PRKCE: variants seen among roughly 807,000 people sequenced by gnomAD.
PRKCE encodes protein kinase C epsilon type.
A neutral mutation model predicts 85.4 loss-of-function variants in PRKCE; 16 were observed. The ratio of observed to expected loss-of-function variants is 0.19; its 90% CI spans 0.13 to 0.28. The LOEUF (loss-of-function observed/expected upper bound fraction) is 0.28, where lower values mean the gene tolerates loss of function less well. PRKCE is among the 10% of genes least tolerant of loss of function. PRKCE has a pLI of 1.00. For missense variants in PRKCE, 573 were observed against 975.2 expected (o/e 0.59, Z 5.49); for synonymous variants, 388 against 371.5 (o/e 1.04, Z -0.51).
intron 1 of PRKCE, among the ~76,000 whole-genome samples, chr2:45,836,405 A>G (rs780279149): frequency 1.9e-4 from 29 of 152,234 alleles, no homozygotes; most frequent in Non-Finnish European, 3.4e-4. Flanking sequence ...AGCAAATTTT[A>G]CCCCAAATGA....
intron 1 of PRKCE, among the ~76,000 whole-genome samples, chr2:45,709,876 C>G (rs1247170738): frequency 6.6e-6 from 1 of 152,126 alleles, no homozygotes; most frequent in Non-Finnish European, 1.5e-5. Flanking sequence ...GTGGCATGAT[C>G]TCAGCTCACT....
chr2:46,050,780 G>T (rs1708806838), intron 10 of PRKCE, among the ~76,000 whole-genome samples: 2 of 152,180 alleles, frequency 1.3e-5, no homozygotes, highest in Non-Finnish European at 2.9e-5. Flanking sequence ...AATAATTTAG[G>T]AGCAAGCCAA....
intron 2 of PRKCE, among the ~76,000 whole-genome samples, chr2:45,938,441 G>C (rs981090845): frequency 6.6e-6 from 1 of 152,046 alleles, no homozygotes; most frequent in Non-Finnish European, 1.5e-5. Context: ...TTAGTGACTT[G>C]GAACCTACAT....
intron 1 of PRKCE, among the ~76,000 whole-genome samples, chr2:45,680,154 A>G (rs1299306458): frequency 6.6e-6 from 1 of 152,232 alleles, no homozygotes; most frequent in Non-Finnish European, 1.5e-5. Context: ...GAAACAATAG[A>G]TGTCATTAGA....
At chr2:46,006,653 G>A (rs1376182365) in intron 8 of PRKCE, among the ~76,000 whole-genome samples, 1 of 152,164 alleles carries the variant, frequency 6.6e-6, no homozygotes, top group East Asian at 1.9e-4. Flanking sequence ...AGAAGAGTGC[G>A]TGTCTTGATG....
At chr2:46,103,715 A>G (rs994227765) in intron 11 of PRKCE, among the ~76,000 whole-genome samples, 7 of 152,208 alleles carry the variant, frequency 4.6e-5, no homozygotes, top group African/African-American at 1.2e-4. Flanking sequence ...ATTATATACT[A>G]TATTCTTAAA....
chr2:45,709,003 A>G (rs1679368112), intron 1 of PRKCE, among the ~76,000 whole-genome samples: 1 of 152,152 alleles, frequency 6.6e-6, no homozygotes, highest in Non-Finnish European at 1.5e-5. Context: ...TTTACCTGTT[A>G]CTCTAATATA....
chr2:45,850,236 T>G (rs1336718183), intron 2 of PRKCE, among the ~76,000 whole-genome samples: 1 of 152,242 alleles, frequency 6.6e-6, no homozygotes, highest in African/African-American at 2.4e-5. Context: ...TATTTCCTTT[T>G]GACTGGTGTG....
chr2:45,918,027 C>T (rs1218105002), intron 2 of PRKCE, among the ~76,000 whole-genome samples: 2 of 152,242 alleles, frequency 1.3e-5, no homozygotes, highest in East Asian at 3.9e-4. Context: ...TAGCGCCGCG[C>T]GCAGCCCCGG....
intron 14 of PRKCE, among the ~76,000 whole-genome samples, chr2:46,177,301 G>A (rs2104697359): frequency 6.6e-6 from 1 of 152,270 alleles, no homozygotes; most frequent in South Asian, 2.1e-4. Context: ...AGAAAAATAA[G>A]ATTGGAGTTT....
chr2:45,780,140 A>C (rs1468519422), intron 1 of PRKCE, among the ~76,000 whole-genome samples: 2 of 152,216 alleles, frequency 1.3e-5, no homozygotes, highest in African/African-American at 4.8e-5. Flanking sequence ...ATATCATCAA[A>C]TAGCTAATTA....
chr2:45,826,186 C>T (rs147727074), intron 1 of PRKCE, among the ~76,000 whole-genome samples: 1 of 152,132 alleles, frequency 6.6e-6, no homozygotes, highest in African/African-American at 2.4e-5. Flanking sequence ...CAGGGTCAGT[C>T]CTCATTCCTC....
At chr2:46,035,029 G>A (rs1286994744) in intron 10 of PRKCE, among the ~76,000 whole-genome samples, 1 of 152,234 alleles carries the variant, frequency 6.6e-6, no homozygotes, top group Non-Finnish European at 1.5e-5. Context: ...CTCGAAAGCA[G>A]CCTGTGACCA....
chr2:45,719,391 C>A (rs923004131), intron 1 of PRKCE, among the ~76,000 whole-genome samples: 1 of 152,024 alleles, frequency 6.6e-6, no homozygotes, highest in African/African-American at 2.4e-5. Flanking sequence ...TTTTTTATTC[C>A]CCCAATGGGA....
intron 13 of PRKCE, 50 bp downstream of exon 13, chr2:46,151,279 CTACACACACA>C: frequency 9.9e-7 from 1 of 1,010,632 alleles, no homozygotes; most frequent in Non-Finnish European, 1.4e-6. Context: ...GCTCCTCCCC[CTACACACACA>C]CACACACACA....
chr2:45,810,083 C>T (rs1688548339), intron 1 of PRKCE, among the ~76,000 whole-genome samples: 1 of 151,910 alleles, frequency 6.6e-6, no homozygotes, highest in Non-Finnish European at 1.5e-5. Context: ...TCTTGTCCCC[C>T]AGGCTGGAGT....
intron 12 of PRKCE, among the ~76,000 whole-genome samples, chr2:46,147,517 A>G (rs1574596982): frequency 6.6e-6 from 1 of 152,260 alleles, no homozygotes; most frequent in African/African-American, 2.4e-5. Flanking sequence ...ACAATGAACA[A>G]CTCTGATCTC....
intron 1 of PRKCE, among the ~76,000 whole-genome samples, chr2:45,743,354 C>A (rs554075827): frequency 6.6e-6 from 1 of 152,112 alleles, no homozygotes; most frequent in Non-Finnish European, 1.5e-5. Flanking sequence ...ATCAAAACAT[C>A]GCGGTGTACA....
At chr2:45,677,184 TTCCTCCCTCTCC>T (rs1427596185) in intron 1 of PRKCE, 4 of 152,236 alleles carry the variant, frequency 2.6e-5, no homozygotes, top group Non-Finnish European at 5.9e-5. Context: ...GCCATTGATC[TTCCTCCCTCTCC>T]TCCTCCCTCC....
Sources: allele counts gnomAD v4.1 joint callset (sites outside exome capture counted in the v4.1 genomes callset), GRCh38; gene constraint gnomAD v4.1.1; transcripts MANE v1.5; gene names NCBI Gene and HGNC (gene_info 2026-07-23, HGNC 2026-07-21).